The following SEMA6D variants were observed in gnomAD, a reference collection of about 807,000 sequenced individuals.
SEMA6D encodes semaphorin-6D.
Under a neutral mutation model 106.6 loss-of-function variants are expected in SEMA6D, and 35 were observed. That is an observed-to-expected ratio of 0.33 (90% confidence interval 0.25 to 0.44). The LOEUF is 0.44. Among genes scored for constraint, SEMA6D ranks in the 20% least tolerant of loss-of-function variants. The pLI is 1.00. For synonymous variants in SEMA6D, 499 were observed against 487.7 expected, an observed-to-expected ratio of 1.02 and a Z score of -0.31; for missense variants, 1,185 against 1,345.9, an observed-to-expected ratio of 0.88 and a Z score of 1.87.
intron 2 of SEMA6D, among the ~76,000 whole-genome samples, chr15:47,453,711 C>T (rs1466642771): frequency 2.6e-5 from 4 of 151,896 alleles, no homozygotes; most frequent in Non-Finnish European, 1.5e-5. Context: ...AAACAGGAGC[C>T]ACTTCTAATA....
chr15:47,294,752 A>G (rs923035199), intron 1 of SEMA6D, among the ~76,000 whole-genome samples: 14 of 152,124 alleles, frequency 9.2e-5, no homozygotes, highest in African/African-American at 3.4e-4. Context: ...AGAGACCTTC[A>G]TTTTTCCCCT....
At chr15:47,433,525 A>T (rs1265028544) in intron 2 of SEMA6D, among the ~76,000 whole-genome samples, 6 of 152,058 alleles carry the variant, frequency 3.9e-5, no homozygotes, top group Admixed American at 3.3e-4. Flanking sequence ...TTTCAATAAA[A>T]ATTGACCCCT....
intron 1 of SEMA6D, among the ~76,000 whole-genome samples, chr15:47,727,979 G>T (rs1420837210): frequency 2.0e-5 from 3 of 152,232 alleles, no homozygotes; most frequent in African/African-American, 7.2e-5. Flanking sequence ...AGCTCCGCTG[G>T]CTGAGATCAT....
chr15:47,493,022 C>T (rs2043521541), intron 3 of SEMA6D, among the ~76,000 whole-genome samples: 1 of 152,112 alleles, frequency 6.6e-6, no homozygotes, highest in Non-Finnish European at 1.5e-5. Flanking sequence ...TCCAACCCAC[C>T]ATGCTAAGCT....
intron 1 of SEMA6D, among the ~76,000 whole-genome samples, chr15:47,265,410 A>G (rs900134846): frequency 1.2e-4 from 18 of 151,768 alleles, no homozygotes; most frequent in Middle Eastern, 3.2e-3. Flanking sequence ...GTACTTTGCA[A>G]TTATAGAAGG....
chr15:47,561,058 G>GA (rs71432246), intron 3 of SEMA6D, among the ~76,000 whole-genome samples: 33,766 of 133,794 alleles, frequency 0.25, 4,726 homozygotes, highest in Non-Finnish European at 0.34. Flanking sequence ...ATACAAAACA[G>GA]AAAAAAAAAA....
chr15:47,447,616 G>A (rs1470228930), intron 2 of SEMA6D, among the ~76,000 whole-genome samples: 3 of 152,134 alleles, frequency 2.0e-5, no homozygotes, highest in Admixed American at 2.0e-4. Flanking sequence ...TCATCTGGCT[G>A]TTTATTTGTA....
chr15:47,506,599 A>ACACACACACACACACACACAC (rs1555382656), intron 3 of SEMA6D, among the ~76,000 whole-genome samples: 1 of 137,796 alleles, frequency 7.3e-6, no homozygotes, highest in African/African-American at 2.8e-5. Flanking sequence ...CACACACACA[A>ACACACACACACACACACACAC]ACACACACAC....
rs148367299 is a variant in SEMA6D at position 47,330,322 on chromosome 15, T to C, written c.-238-82071T>C. ...CAAGCCCTCTGTTTTCTTTCTGCCT[T>C]GGGTAAGGCATTCACAGACATGCAC... On this transcript the variant is annotated intron_variant, in intron 1 of 19. Transcript: ENST00000558014. Among the ~76,000 whole-genome samples, 202 of 152,294 alleles carry C rather than the reference T, an allele frequency of 1.3e-3. 2 individuals are homozygous for C. The highest frequency in any genetic ancestry group is 4.8e-3 in the African/African-American group (198 of 41,576).
intron 1 of SEMA6D, among the ~76,000 whole-genome samples, chr15:47,301,029 G>C (rs1021774166): frequency 6.6e-6 from 1 of 152,228 alleles, no homozygotes; most frequent in Non-Finnish European, 1.5e-5. Context: ...TGAGATACAA[G>C]GACAGGCAGC....
intron 1 of SEMA6D, among the ~76,000 whole-genome samples, chr15:47,751,825 G>C (rs1406377965): frequency 1.3e-5 from 2 of 152,096 alleles, no homozygotes; most frequent in African/African-American, 4.8e-5. Context: ...ATTGACAACT[G>C]TGAGATATAC....
chr15:47,332,045 C>A (rs2037363638), intron 1 of SEMA6D, among the ~76,000 whole-genome samples: 1 of 152,130 alleles, frequency 6.6e-6, no homozygotes. Flanking sequence ...TATTATTATT[C>A]TTCCAATGTG....
intron 1 of SEMA6D, among the ~76,000 whole-genome samples, chr15:47,317,330 G>A (rs1325713504): frequency 6.6e-6 from 1 of 152,026 alleles, no homozygotes; most frequent in Admixed American, 6.5e-5. Flanking sequence ...CTGGCTGGAA[G>A]CTTGTCTTTT....
intron 4 of SEMA6D, among the ~76,000 whole-genome samples, chr15:47,687,368 T>C (rs2078492163): frequency 6.6e-6 from 1 of 152,096 alleles, no homozygotes; most frequent in African/African-American, 2.4e-5. Flanking sequence ...AGTGTTATGA[T>C]AGTAGAAATA....
intron 3 of SEMA6D, among the ~76,000 whole-genome samples, chr15:47,531,285 A>C (rs2044953663): frequency 6.6e-6 from 1 of 152,238 alleles, no homozygotes; most frequent in African/African-American, 2.4e-5. Context: ...GCTTGGCATT[A>C]AGATTGTGGT....
At chr15:47,447,719 G>C (rs893507973) in intron 2 of SEMA6D, among the ~76,000 whole-genome samples, 2 of 152,142 alleles carry the variant, frequency 1.3e-5, no homozygotes, top group African/African-American at 4.8e-5. Flanking sequence ...ACCCAAGGAG[G>C]GGGCAGTGGG....
chr15:47,713,350 T>C (rs571838813), upstream of SEMA6D, among the ~76,000 whole-genome samples: 91 of 152,346 alleles, frequency 6.0e-4, no homozygotes, highest in African/African-American at 2.1e-3. Context: ...AAATGAATTA[T>C]GTCAGTAAAA....
intron 1 of SEMA6D, among the ~76,000 whole-genome samples, chr15:47,324,903 A>G (rs753793454): frequency 5.9e-5 from 9 of 152,026 alleles, no homozygotes; most frequent in Admixed American, 3.9e-4. Flanking sequence ...GCCAGTAAAT[A>G]TAGTTTAACC....
chr15:47,337,225 G>A (rs2037604655), intron 1 of SEMA6D, among the ~76,000 whole-genome samples: 2 of 152,178 alleles, frequency 1.3e-5, no homozygotes, highest in Admixed American at 6.5e-5. Flanking sequence ...CAGTGGATAT[G>A]GGATATGGGA....
Sources: gnomAD v4.1 joint callset for allele counts (sites outside exome capture counted in the v4.1 genomes callset) on GRCh38, gnomAD v4.1.1 for gene constraint, MANE v1.5 for transcripts, NCBI Gene and HGNC (gene_info 2026-07-23, HGNC 2026-07-21) for gene names.